Variants in KCNH8 observed in about 807,000 individuals in gnomAD.
KCNH8 encodes potassium voltage-gated channel subfamily H member 8.
In KCNH8, 70 loss-of-function variants were observed where a neutral mutation model predicts 103.6. The observed-to-expected ratio is 0.68, with a 90% CI of 0.56 to 0.82. The LOEUF (loss-of-function observed/expected upper bound fraction) is 0.82. Among genes scored for constraint, KCNH8 ranks in the 40% least tolerant of loss-of-function variants. The pLI, the probability that KCNH8 is intolerant of heterozygous loss-of-function variation, is 0.00. For synonymous variants in KCNH8, 498 were observed against 489.4 expected (o/e 1.02, Z -0.23); for missense variants, 1,217 against 1,329.9 (o/e 0.92, Z 1.32).
intron 1 of KCNH8, among the ~76,000 whole-genome samples, chr3:19,232,948 T>A (rs1317660763): frequency 2.6e-5 from 4 of 152,180 alleles, no homozygotes; most frequent in African/African-American, 9.7e-5. Flanking sequence ...AATGGCAATT[T>A]TCTATGATTC....
intron 1 of KCNH8, among the ~76,000 whole-genome samples, chr3:19,235,137 G>T (rs1212049171): frequency 1.3e-5 from 2 of 152,130 alleles, no homozygotes; most frequent in Non-Finnish European, 1.5e-5. Context: ...TTAGCCTATG[G>T]TAAAATTGGT....
chr3:19,456,987 G>A lies in KCNH8; in HGVS notation c.2040+5G>A. The A allele has an allele frequency of 6.3e-7, 1 of 1,597,228 alleles. No homozygotes were observed. The highest frequency in any genetic ancestry group is 1.7e-5 in the Admixed American group (1 of 59,648). On this transcript the variant is annotated splice_donor_5th_base_variant and intron_variant, in intron 11 of 15. Transcript: ENST00000328405. ...CGAGAAGGTCATGAGAGTGATGTAAGTCCCATTTCTAATTAGTGCTAAGAC... is the reference window on the plus strand; with the variant it reads ...CGAGAAGGTCATGAGAGTGATGTAAATCCCATTTCTAATTAGTGCTAAGAC...
chr3:19,489,564 G>A (rs78001112), intron 11 of KCNH8, among the ~76,000 whole-genome samples: 6,610 of 152,148 alleles, frequency 0.043, 346 homozygotes, highest in East Asian at 0.26. Context: ...ATGCTGGCCA[G>A]TCTATCTCAC....
intron 3 of KCNH8, among the ~76,000 whole-genome samples, chr3:19,311,158 T>G (rs1260259243): frequency 6.6e-6 from 1 of 151,786 alleles, no homozygotes; most frequent in East Asian, 1.9e-4. Context: ...AGTCCTTATA[T>G]TTGCCTCTCA....
chr3:19,387,511 C>T (rs1472215670), intron 5 of KCNH8, among the ~76,000 whole-genome samples: 4 of 152,012 alleles, frequency 2.6e-5, no homozygotes, highest in Non-Finnish European at 4.4e-5. Flanking sequence ...AAAAGTGTTT[C>T]GTAAATATAC....
chr3:19,292,934 A>G (rs985606662), intron 3 of KCNH8, among the ~76,000 whole-genome samples: 2 of 152,164 alleles, frequency 1.3e-5, no homozygotes, highest in Non-Finnish European at 2.9e-5. Flanking sequence ...TCACGTGGCC[A>G]TGGCCATTTC....
intron 1 of KCNH8, among the ~76,000 whole-genome samples, chr3:19,194,682 T>C (rs1366877885): frequency 6.6e-6 from 1 of 151,796 alleles, no homozygotes; most frequent in South Asian, 2.1e-4. Context: ...GGGTACTAGG[T>C]TCATTACCTG....
rs1352168224 is a variant in KCNH8 at position 19,201,259 on chromosome 3, A to AAAAG, written c.77-52391_77-52388dup. On this transcript the variant is annotated intron_variant, in intron 1 of 15. Coordinates refer to ENST00000328405, the MANE Select transcript of KCNH8 (RefSeq NM_144633.3). ...AAAAAAAAAAAAAAAAAAAAAAAAA[A>AAAAG]AAAGAAAAGAAAATTATAGTAAATA... 2.7e-5 allele frequency among the ~76,000 whole-genome samples: 4 copies of AAAAG among 145,592 alleles called. No individual in the cohort carries two copies. In the East Asian group the frequency reaches 5.9e-4, roughly 21 times the overall value.
intron 3 of KCNH8, among the ~76,000 whole-genome samples, chr3:19,292,521 T>C (rs770846112): frequency 3.9e-5 from 6 of 152,294 alleles, no homozygotes; most frequent in Admixed American, 1.3e-4. Context: ...AACAATTATA[T>C]GTGCATTGCC....
intron 7 of KCNH8, among the ~76,000 whole-genome samples, chr3:19,406,616 T>A (rs1483594899): frequency 2.0e-5 from 3 of 152,124 alleles, no homozygotes; most frequent in Non-Finnish European, 4.4e-5. Flanking sequence ...ATTGCTGTAT[T>A]TTTTTCAACC....
Position 19,354,444 on chromosome 3 carries a change from G to C in KCNH8, c.811+6479G>C, listed in dbSNP as rs1159357888. Reference sequence around the variant, plus strand: ...CCAAGTCAGTCCTAAGCCAAAAGAAGAAAGCTGGAGGTATCACGCTACCTG... The same window carrying C: ...CCAAGTCAGTCCTAAGCCAAAAGAACAAAGCTGGAGGTATCACGCTACCTG... On this transcript the variant is annotated intron_variant, in intron 5 of 15. Transcript: ENST00000328405. Among the ~76,000 whole-genome samples the C allele has an allele frequency of 3.9e-5, 6 of 152,048 alleles. No individual in the cohort carries two copies. In the East Asian group the frequency reaches 5.8e-4, roughly 15 times the overall value.
chr3:19,390,233 T>C (rs2066416902), intron 5 of KCNH8, among the ~76,000 whole-genome samples: 1 of 152,108 alleles, frequency 6.6e-6, no homozygotes, highest in Admixed American at 6.6e-5. Flanking sequence ...TTCACCCTTC[T>C]TCAGTATCTG....
chr3:19,307,078 C>T (rs904061206), intron 3 of KCNH8, among the ~76,000 whole-genome samples: 1 of 151,656 alleles, frequency 6.6e-6, no homozygotes, highest in African/African-American at 2.4e-5. Context: ...ATATCTACAG[C>T]CAACTGATTT....
At chr3:19,371,517 G>T (rs1377816083) in intron 5 of KCNH8, among the ~76,000 whole-genome samples, 2 of 148,478 alleles carry the variant, frequency 1.3e-5, no homozygotes, top group African/African-American at 5.0e-5. Flanking sequence ...TTAGCCCTTT[G>T]TCAGATGAGT....
chr3:19,195,899 C>A (rs544594876), intron 1 of KCNH8, among the ~76,000 whole-genome samples: 2 of 152,120 alleles, frequency 1.3e-5, no homozygotes, highest in South Asian at 4.1e-4. Context: ...CAGCTAAGAT[C>A]TTTCCTGTGT....
intron 11 of KCNH8, among the ~76,000 whole-genome samples, chr3:19,476,349 C>T (rs756966139): frequency 1.3e-5 from 2 of 152,172 alleles, no homozygotes; most frequent in African/African-American, 2.4e-5. Flanking sequence ...TTCGCATTAA[C>T]GCTAAAGTGC....
chr3:19,351,297 T>C (rs1575547452), intron 5 of KCNH8, among the ~76,000 whole-genome samples: 1 of 152,072 alleles, frequency 6.6e-6, no homozygotes, highest in East Asian at 1.9e-4. Flanking sequence ...TGCAACCAAG[T>C]TGTAAAATGC....
At chr3:19,499,210 T>C (rs2068519129) in intron 11 of KCNH8, among the ~76,000 whole-genome samples, 1 of 151,694 alleles carries the variant, frequency 6.6e-6, no homozygotes, top group South Asian at 2.1e-4. Flanking sequence ...ATGAAATGAA[T>C]GAAATGAAGC....
At chr3:19,235,519 A>G (rs1208372040) in intron 1 of KCNH8, among the ~76,000 whole-genome samples, 1 of 152,192 alleles carries the variant, frequency 6.6e-6, no homozygotes, top group Non-Finnish European at 1.5e-5. Context: ...CAAATTAGAA[A>G]CAAATACGGA....
Sources: allele counts gnomAD v4.1 joint callset (sites outside exome capture counted in the v4.1 genomes callset), GRCh38; gene constraint gnomAD v4.1.1; transcripts MANE v1.5; gene names NCBI Gene and HGNC (gene_info 2026-07-23, HGNC 2026-07-21).